Variants in WBP2NL observed in about 807,000 individuals in gnomAD.
WBP2NL encodes WBP2 N-terminal like.
Under a neutral mutation model 23.3 loss-of-function variants are expected in WBP2NL, and 27 were observed. The ratio of observed to expected loss-of-function variants is 1.16; its 90% CI spans 0.85 to 1.60. The LOEUF (loss-of-function observed/expected upper bound fraction) is 1.60, where lower values mean the gene tolerates loss of function less well. Among genes scored for constraint, WBP2NL ranks in the 40% most tolerant of loss-of-function variants. The probability of loss-of-function intolerance (pLI) is 0.00; values close to 1 mark genes in which losing one functional copy is unlikely to be tolerated. For missense variants in WBP2NL, 370 were observed against 389.5 expected, an observed-to-expected ratio of 0.95 and a Z score of 0.42; for synonymous variants, 151 against 145.9, an observed-to-expected ratio of 1.03 and a Z score of -0.25.
chr22:42,053,178 G>A (rs573852164), intron 8 of WBP2NL, among the ~76,000 whole-genome samples: 2 of 152,320 alleles, frequency 1.3e-5, no homozygotes, highest in Admixed American at 6.5e-5. Context: ...TGGATATACT[G>A]TGTGGATTGC....
At chr22:42,001,050 A>G (rs1921611030) in intron 1 of WBP2NL, 9 of 780,172 alleles carry the variant, frequency 1.2e-5, no homozygotes, top group South Asian at 3.2e-5. Context: ...TCAAAGGGGG[A>G]AAAATCTTAG....
intron 8 of WBP2NL, among the ~76,000 whole-genome samples, chr22:42,055,611 G>T (rs569077322): frequency 2.6e-4 from 40 of 152,220 alleles, no homozygotes; most frequent in African/African-American, 9.4e-4. Flanking sequence ...TGTCTGTTAG[G>T]TCTAATTGGT....
chr22:42,049,943 C>T (rs1438621914), intron 8 of WBP2NL, among the ~76,000 whole-genome samples: 1 of 141,968 alleles, frequency 7.0e-6, no homozygotes, highest in Non-Finnish European at 1.5e-5. Flanking sequence ...TGCCATAGCA[C>T]TCCGGCCTGG....
At chr22:42,008,126 C>CCTTTCCTTTG in intron 1 of WBP2NL, among the ~76,000 whole-genome samples, 1 of 113,288 alleles carries the variant, frequency 8.8e-6, no homozygotes, top group Non-Finnish European at 1.7e-5. Flanking sequence ...CCTTTGCTTT[C>CCTTTCCTTTG]CTTTCCTTTC....
intron 5 of WBP2NL, among the ~76,000 whole-genome samples, chr22:42,024,058 G>C (rs2413665): frequency 0.073 from 11,106 of 152,126 alleles, 1,390 homozygotes; most frequent in African/African-American, 0.25. Flanking sequence ...TTCACCTATT[G>C]TGAATATATC....
chr22:42,022,215 A>C, intron 4 of WBP2NL, 34 bp from the exon 5 acceptor site: 1 of 1,556,462 alleles, frequency 6.4e-7, no homozygotes, highest in African/African-American at 1.4e-5. Flanking sequence ...ACTTAATTAA[A>C]AGAGTTCCTA....
In WBP2NL at chr22:41,998,889, G is replaced by A. The variant is rs1416227456; in HGVS notation, c.62+9G>A. On this transcript the variant is annotated intron_variant, in intron 1 of 5. Transcript: ENST00000328823. ...ATCCCTAACGGTGAAAGGTGCCTGA[G>A]GGGAAGCACGGCGTGCTGTCGGAGG... The A allele has an allele frequency of 3.1e-6, 5 of 1,607,530 alleles. No individual in the cohort carries two copies. In the South Asian group the frequency reaches 3.3e-5, roughly 11 times the overall value.
intron 8 of WBP2NL, among the ~76,000 whole-genome samples, chr22:42,044,886 C>T (rs966178606): frequency 2.0e-5 from 3 of 152,110 alleles, no homozygotes; most frequent in African/African-American, 4.8e-5. Flanking sequence ...AATCATAGCT[C>T]ACTGTAACTA....
At chr22:42,010,740 G>A (rs562696034) in intron 1 of WBP2NL, among the ~76,000 whole-genome samples, 10 of 152,090 alleles carry the variant, frequency 6.6e-5, no homozygotes, top group South Asian at 4.2e-4. Flanking sequence ...GGGTTTCACC[G>A]TGTTAGCCAG....
chr22:42,000,249 CAG>C (rs1291585345), intron 1 of WBP2NL, among the ~76,000 whole-genome samples: 6 of 152,098 alleles, frequency 3.9e-5, no homozygotes, highest in Admixed American at 1.3e-4. Context: ...GTTTTCTTGA[CAG>C]ATTTATATGG....
At chr22:42,007,880 T>A (rs982375921) in intron 1 of WBP2NL, among the ~76,000 whole-genome samples, 3 of 152,208 alleles carry the variant, frequency 2.0e-5, no homozygotes, top group Admixed American at 6.5e-5. Context: ...AAATATCTAT[T>A]TGAGACACTG....
intron 8 of WBP2NL, chr22:42,058,150 T>C (rs1192602833): frequency 6.6e-6 from 1 of 151,360 alleles, no homozygotes; most frequent in Non-Finnish European, 1.5e-5. Context: ...TCTCCTGACC[T>C]TGTGATCCGC....
chr22:42,048,017 C>T (rs1602481570), intron 8 of WBP2NL, among the ~76,000 whole-genome samples: 2 of 152,104 alleles, frequency 1.3e-5, no homozygotes, highest in South Asian at 2.1e-4. Flanking sequence ...TATTAATAAA[C>T]GGAATCCAAG....
chr22:42,019,429 A>G lies in WBP2NL; in HGVS notation c.171+10A>G, dbSNP rs200484825. 2.2e-5 allele frequency: 36 copies of G among 1,608,672 alleles called. No individual in the cohort carries two copies. The African/African-American group carries it at 4.5e-4, about 20-fold the overall frequency. ...TCTCACTTCATACCGGGTAATTTCT[A>G]CTTCTACTTTAATCTGCTGATTAAC... is the stretch of plus-strand genomic sequence containing the variant. On this transcript the variant is annotated intron_variant, in intron 2 of 5. Coordinates refer to ENST00000328823, the MANE Select transcript of WBP2NL (RefSeq NM_152613.3).
chr22:42,035,286 C>T (rs1400474862), downstream of WBP2NL, among the ~76,000 whole-genome samples: 2 of 152,260 alleles, frequency 1.3e-5, no homozygotes, highest in African/African-American at 2.4e-5. Flanking sequence ...CCTTCCTGGG[C>T]CCCCAAGAGT....
rs755906245 is a variant in WBP2NL at position 42,019,778 on chromosome 22, G to A, written c.288G>A (p.Lys96=). The change falls in exon 3 of 6, where the codon AAG becomes AAA. Residue 96 remains lysine (K), a synonymous_variant. Coordinates refer to ENST00000328823, the MANE Select transcript of WBP2NL (RefSeq NM_152613.3). The stretch of plus-strand genomic sequence containing the variant: ...CAGTATTTGCTGCAAACTTCATTAA[G>A]GGAACTATTCAGGCAGCTCCATATG... The part of the protein sequence containing the change: ...EQPVFAANFI[K]GTIQAAPYGG... 4 of 1,614,064 alleles carry A rather than the reference G, an allele frequency of 2.5e-6. No individual in the cohort carries two copies. The highest frequency in any genetic ancestry group is 2.7e-5 in the African/African-American group (2 of 74,930).
chr22:42,009,213 T>G (rs955548722), intron 1 of WBP2NL, among the ~76,000 whole-genome samples: 1 of 152,228 alleles, frequency 6.6e-6, no homozygotes, highest in African/African-American at 2.4e-5. Flanking sequence ...ACTCTAGATA[T>G]TAAGCCCTTA....
intron 8 of WBP2NL, among the ~76,000 whole-genome samples, chr22:42,048,386 C>CA (rs112746719): frequency 0.051 from 6,764 of 133,236 alleles, 517 homozygotes; most frequent in African/African-American, 0.17. Context: ...GACTCCATCT[C>CA]AAAAAAAAAA....
rs143658067 is a variant in WBP2NL, at chr22:42,005,808, T to C, written c.62+6928T>C. On this transcript the variant is annotated intron_variant, in intron 1 of 5. Transcript: ENST00000328823. Reference sequence around the variant, plus strand: ...GGGATCAAGATCCTGAAGCATTTCTTCAAAGAATTGTAACAGGAAATGAAA... The same window carrying C: ...GGGATCAAGATCCTGAAGCATTTCTCCAAAGAATTGTAACAGGAAATGAAA... Among the ~76,000 whole-genome samples, 132 of 152,320 alleles carry C rather than the reference T, an allele frequency of 8.7e-4. 1 individual carries two copies. Among genetic ancestry groups the C allele is most frequent in the African/African-American group, 3.2e-3 (131 of 41,566 alleles).
Sources: allele counts gnomAD v4.1 joint callset (sites outside exome capture counted in the v4.1 genomes callset), GRCh38; gene constraint gnomAD v4.1.1; transcripts MANE v1.5; gene names NCBI Gene and HGNC (gene_info 2026-07-23, HGNC 2026-07-21).